The following ALCAM variants were observed in gnomAD, a reference collection of about 807,000 sequenced individuals.
The protein encoded by ALCAM is CD166 antigen.
ALCAM carries 30 observed loss-of-function variants against 70.9 expected under a neutral mutation model. The observed-to-expected ratio is 0.42, with a 90% CI of 0.32 to 0.57. The LOEUF (loss-of-function observed/expected upper bound fraction) is 0.57. Among genes scored for constraint, ALCAM ranks in the 20% least tolerant of loss-of-function variants. ALCAM has a pLI of 0.11. For missense variants in ALCAM, 591 were observed against 695.1 expected (o/e 0.85, Z 1.68); for synonymous variants, 249 against 242.5 (o/e 1.03, Z -0.25).
chr3:105,451,326 G>A (rs973349373), intron 1 of ALCAM, among the ~76,000 whole-genome samples: 3 of 151,310 alleles, frequency 2.0e-5, no homozygotes, highest in Non-Finnish European at 4.4e-5. Flanking sequence ...AGGGAGGAAA[G>A]GAGGGAGGGA....
chr3:105,371,517 C>CTTTTTTTTTT (rs35522913), intron 1 of ALCAM, among the ~76,000 whole-genome samples: 2 of 142,568 alleles, frequency 1.4e-5, no homozygotes, highest in Non-Finnish European at 1.5e-5. Flanking sequence ...AAAGATGTTT[C>CTTTTTTTTTT]TTTTTTTTTT....
intron 12 of ALCAM, among the ~76,000 whole-genome samples, chr3:105,551,187 T>C (rs762267150): frequency 1.8e-4 from 27 of 151,620 alleles, no homozygotes; most frequent in Non-Finnish European, 2.8e-4. Context: ...TATAAAGGCC[T>C]AATGGATTGA....
intron 1 of ALCAM, among the ~76,000 whole-genome samples, chr3:105,487,533 A>C (rs1338442237): frequency 6.6e-6 from 1 of 152,052 alleles, no homozygotes; most frequent in Non-Finnish European, 1.5e-5. Context: ...AGGAATAGAG[A>C]AAAAAAATGA....
intron 1 of ALCAM, among the ~76,000 whole-genome samples, chr3:105,404,474 C>T (rs1373531856): frequency 6.6e-6 from 1 of 152,030 alleles, no homozygotes; most frequent in Non-Finnish European, 1.5e-5. Flanking sequence ...ATTTTGTATC[C>T]AGTGAAACTA....
chr3:105,406,643 A>G (rs1936239140), intron 1 of ALCAM, among the ~76,000 whole-genome samples: 1 of 152,184 alleles, frequency 6.6e-6, no homozygotes, highest in Non-Finnish European at 1.5e-5. Flanking sequence ...AACTGGAGGA[A>G]CAAAAACAAT....
At chr3:105,507,626 A>G (rs1939117890) in intron 1 of ALCAM, among the ~76,000 whole-genome samples, 1 of 152,100 alleles carries the variant, frequency 6.6e-6, no homozygotes, top group South Asian at 2.1e-4. Context: ...TTGCTAAATA[A>G]TATTTCATTG....
chr3:105,513,594 A>G (rs1414044493), intron 1 of ALCAM, among the ~76,000 whole-genome samples: 1 of 151,936 alleles, frequency 6.6e-6, no homozygotes, highest in Non-Finnish European at 1.5e-5. Flanking sequence ...CAAGTTAAGA[A>G]ATGCTAATGA....
In ALCAM at chr3:105,382,448, T is replaced by C. The variant is rs558391115; in HGVS notation, c.73+14967T>C. On this transcript the variant is annotated intron_variant, in intron 1 of 15. Coordinates refer to ENST00000306107, the MANE Select transcript of ALCAM (RefSeq NM_001627.4). ...AGCATGATTTATAGTCCTTTGGGTA[T>C]ATACCCAGTAATGGGATGGCTGGGT... Among the ~76,000 whole-genome samples the C allele has an allele frequency of 7.2e-5, 11 of 152,154 alleles. No homozygotes were observed. The South Asian group carries it at 2.3e-3, about 32-fold the overall frequency.
At chr3:105,386,095 GCTTCT>G (rs758575886) in intron 1 of ALCAM, among the ~76,000 whole-genome samples, 1 of 151,624 alleles carries the variant, frequency 6.6e-6, no homozygotes, top group Non-Finnish European at 1.5e-5. Context: ...GTGAGCATCT[GCTTCT>G]CTTCACCCAA....
chr3:105,423,690 T>C (rs570505665), intron 1 of ALCAM, among the ~76,000 whole-genome samples: 9 of 151,670 alleles, frequency 5.9e-5, no homozygotes, highest in African/African-American at 2.2e-4. Context: ...TACACACACA[T>C]CTGTCATTTT....
intron 1 of ALCAM, among the ~76,000 whole-genome samples, chr3:105,498,623 T>A (rs972427429): frequency 4.6e-5 from 7 of 152,064 alleles, no homozygotes; most frequent in African/African-American, 1.7e-4. Flanking sequence ...ATTCCAGGAG[T>A]GTTCTGCTTT....
At chr3:105,436,489 G>T (rs191827354) in intron 1 of ALCAM, among the ~76,000 whole-genome samples, 1 of 151,734 alleles carries the variant, frequency 6.6e-6, no homozygotes, top group Non-Finnish European at 1.5e-5. Context: ...CACCACACCC[G>T]GCTAATTTTT....
intron 11 of ALCAM, among the ~76,000 whole-genome samples, chr3:105,549,180 C>A (rs1688594798): frequency 6.6e-6 from 1 of 151,278 alleles, no homozygotes; most frequent in Non-Finnish European, 1.5e-5. Flanking sequence ...GATTCTGGCC[C>A]ACTGGGTGAT....
At chr3:105,526,184 T>C (rs1344873764) in intron 3 of ALCAM, among the ~76,000 whole-genome samples, 1 of 152,138 alleles carries the variant, frequency 6.6e-6, no homozygotes, top group African/African-American at 2.4e-5. Flanking sequence ...TTTTAAGGTG[T>C]TAAAATTTTC....
At chr3:105,495,218 C>G (rs1938701555) in intron 1 of ALCAM, among the ~76,000 whole-genome samples, 1 of 152,170 alleles carries the variant, frequency 6.6e-6, no homozygotes, top group Admixed American at 6.5e-5. Context: ...CATATGATAC[C>G]ACATTCCACA....
intron 14 of ALCAM, among the ~76,000 whole-genome samples, chr3:105,562,496 T>C (rs569412791): frequency 1.8e-4 from 27 of 152,334 alleles, no homozygotes; most frequent in African/African-American, 6.3e-4. Flanking sequence ...TAGTCTATTA[T>C]GATGTATCAT....
At chr3:105,485,935 ACAAT>A (rs1938417275) in intron 1 of ALCAM, among the ~76,000 whole-genome samples, 1 of 152,046 alleles carries the variant, frequency 6.6e-6, no homozygotes, top group Non-Finnish European at 1.5e-5. Context: ...AATAGTTCTT[ACAAT>A]CAGAGTTAAG....
chr3:105,367,626 C>A lies in ALCAM; in HGVS notation c.73+145C>A. ...ACCGCTGTCCTGGCACAGAGCTGTC[C>A]CCGGGCTCGGTCACCTGTGCCGCAC... On this transcript the variant is annotated intron_variant, in intron 1 of 15. Coordinates refer to ENST00000306107, the MANE Select transcript of ALCAM (RefSeq NM_001627.4). 3.2e-6 allele frequency: 3 copies of A among 929,286 alleles called. No homozygotes were observed. The South Asian group carries it at 4.9e-5, about 15-fold the overall frequency. 57.6% of individuals were successfully genotyped at this position (929,286 alleles called of 1,614,324 possible).
At chr3:105,490,049 T>C (rs1223548078) in intron 1 of ALCAM, among the ~76,000 whole-genome samples, 1 of 152,228 alleles carries the variant, frequency 6.6e-6, no homozygotes, top group Non-Finnish European at 1.5e-5. Context: ...TAAGATATTT[T>C]GTTTACCTAG....
Sources: gnomAD v4.1 joint callset for allele counts (sites outside exome capture counted in the v4.1 genomes callset) on GRCh38, gnomAD v4.1.1 for gene constraint, MANE v1.5 for transcripts, NCBI Gene and HGNC (gene_info 2026-07-23, HGNC 2026-07-21) for gene names.